ERICH3: variants seen among roughly 807,000 people sequenced by gnomAD.
The protein encoded by ERICH3 is glutamate-rich protein 3.
A neutral mutation model predicts 131.1 loss-of-function variants in ERICH3; 126 were observed. That is an observed-to-expected ratio of 0.96 (90% CI 0.83 to 1.11). The LOEUF is 1.11. Ranked by LOEUF, ERICH3 falls within the 50% of genes most tolerant of loss-of-function variation. ERICH3 has a pLI of 0.00. For synonymous variants in ERICH3, 695 were observed against 644.6 expected (o/e 1.08, Z -1.18); for missense variants, 2,050 against 1,810.7 (o/e 1.13, Z -2.40).
chr1:74,600,179 C>T lies in ERICH3; in HGVS notation c.1490-248G>A, dbSNP rs533323737. Among the ~76,000 whole-genome samples, 52 of 151,740 alleles carry T rather than the reference C, an allele frequency of 3.4e-4. No individual in the cohort carries two copies. The South Asian group carries it at 0.011, about 32-fold the overall frequency. On this transcript the variant is annotated intron_variant, in intron 10 of 14. Transcript: ENST00000326665. Reference sequence around the variant, plus strand: ...ACAAGGCTGAAACCTAATAAAAGTTCATTTACAAATGAACATCATCATCTA... The same window carrying T: ...ACAAGGCTGAAACCTAATAAAAGTTTATTTACAAATGAACATCATCATCTA...
At chr1:74,612,961 G>A (rs1648772547) in intron 8 of ERICH3, 152 bp from the exon 9 acceptor site, 1 of 549,774 alleles carries the variant, frequency 1.8e-6, no homozygotes, top group Non-Finnish European at 3.0e-6. Context: ...GGAAGAAGAA[G>A]AATTGTCTTG....
At chr1:74,584,132 C>A (rs939559856) in intron 12 of ERICH3, among the ~76,000 whole-genome samples, 31 of 152,260 alleles carry the variant, frequency 2.0e-4, no homozygotes, top group African/African-American at 6.5e-4. Flanking sequence ...TGATTAACAT[C>A]ATCTACCTAC....
chr1:74,575,025 T>C (rs1395540783), intron 13 of ERICH3, among the ~76,000 whole-genome samples: 1 of 130,100 alleles, frequency 7.7e-6, no homozygotes, highest in Non-Finnish European at 1.8e-5. Flanking sequence ...GCAAGTATGA[T>C]GCTCCTCATT....
At chr1:74,646,457 C>T (rs1304203250) in intron 3 of ERICH3, among the ~76,000 whole-genome samples, 1 of 152,018 alleles carries the variant, frequency 6.6e-6, no homozygotes, top group Non-Finnish European at 1.5e-5. Flanking sequence ...TGGCTCCTGG[C>T]TACCCAGAGA....
intron 1 of ERICH3, among the ~76,000 whole-genome samples, chr1:74,651,448 C>A (rs1395134701): frequency 6.6e-6 from 1 of 152,082 alleles, no homozygotes; most frequent in Non-Finnish European, 1.5e-5. Context: ...CCGGATAATG[C>A]TTTGAAACCA....
At chr1:74,581,938 C>G (rs1647189279) in intron 12 of ERICH3, among the ~76,000 whole-genome samples, 1 of 152,150 alleles carries the variant, frequency 6.6e-6, no homozygotes, top group African/African-American at 2.4e-5. Flanking sequence ...GCTTTGAACC[C>G]TCTTAGCAGA....
chr1:74,650,834 C>CTGTGTGTG (rs5775252), intron 1 of ERICH3, among the ~76,000 whole-genome samples: 1,819 of 146,102 alleles, frequency 0.012, 17 homozygotes, highest in Middle Eastern at 0.042. Flanking sequence ...GAGGGGACTA[C>CTGTGTGTG]TGTGTGTGTG....
At chr1:74,612,552 G>A (rs1215417935) in intron 9 of ERICH3, 71 bp downstream of exon 9, 1 of 1,306,762 alleles carries the variant, frequency 7.7e-7, no homozygotes, top group African/African-American at 1.5e-5. Context: ...GAAGAGAAAT[G>A]CATTAGTAAA....
intron 7 of ERICH3, among the ~76,000 whole-genome samples, chr1:74,629,729 A>G (rs1258367167): frequency 6.6e-6 from 1 of 152,196 alleles, no homozygotes; most frequent in East Asian, 1.9e-4. Flanking sequence ...AAAACTGTTT[A>G]AAAACCAAAC....
At chr1:74,653,079 C>T (rs932669570) in intron 1 of ERICH3, among the ~76,000 whole-genome samples, 2 of 152,052 alleles carry the variant, frequency 1.3e-5, no homozygotes, top group Non-Finnish European at 2.9e-5. Context: ...GCACTTAACC[C>T]TCTAACCCTG....
chr1:74,641,192 A>T, intron 5 of ERICH3, 139 bp downstream of exon 5: 1 of 945,402 alleles, frequency 1.1e-6, no homozygotes, highest in Non-Finnish European at 1.5e-6. Context: ...AGAGTTGAAC[A>T]GATATAAGAC....
At chr1:74,637,621 A>T (rs1476449617) in intron 5 of ERICH3, among the ~76,000 whole-genome samples, 1 of 152,178 alleles carries the variant, frequency 6.6e-6, no homozygotes, top group Non-Finnish European at 1.5e-5. Flanking sequence ...TTAGTTTAGT[A>T]TAAAGATTAG....
At chr1:74,642,078 G>C (rs537304869) in intron 4 of ERICH3, among the ~76,000 whole-genome samples, 1 of 152,178 alleles carries the variant, frequency 6.6e-6, no homozygotes, top group East Asian at 1.9e-4. Flanking sequence ...CATTTCAGCA[G>C]ATAAATTACA....
At chr1:74,617,872 A>C (rs536322558) in intron 8 of ERICH3, among the ~76,000 whole-genome samples, 19 of 152,130 alleles carry the variant, frequency 1.2e-4, no homozygotes, top group African/African-American at 4.6e-4. Context: ...ATTTTTTAAA[A>C]CTGAAAAAAA....
At chr1:74,577,215 A>G (rs1386213964) in intron 12 of ERICH3, 1 of 288,198 alleles carries the variant, frequency 3.5e-6, no homozygotes, top group Non-Finnish European at 6.3e-6. Context: ...CCTGTCAACT[A>G]CTTCTGGCCA....
In ERICH3 at chr1:74,620,799, T is replaced by G. The variant is rs374652699; in HGVS notation, c.935A>C (p.Lys312Thr). The part of the protein sequence containing the change: ...SDNPDFRDEI[K>T]VYQQHCGGEN... ...CCCACCACAGTGCTGCTGATAAACT[T>G]TAATTTCATCCCGGAAGTCAGGATT... Residue 312 changes from lysine to threonine, a missense_variant, in exon 8 of 15, where the codon AAA becomes ACA. Transcript: ENST00000326665. 6.2e-7 allele frequency: 1 copy of G among 1,613,552 alleles called. No individual in the cohort carries two copies.
chr1:74,591,475 C>G (rs895201241), intron 11 of ERICH3, among the ~76,000 whole-genome samples: 2 of 152,116 alleles, frequency 1.3e-5, no homozygotes, highest in Admixed American at 6.5e-5. Flanking sequence ...CATTTCCAGG[C>G]TCTTTGAGTC....
chr1:74,632,044 A>G, intron 6 of ERICH3, 116 bp from the exon 7 acceptor site: 1 of 904,526 alleles, frequency 1.1e-6, no homozygotes, highest in Non-Finnish European at 1.7e-6. Context: ...AACTGATATC[A>G]ATAGACAAAC....
intron 9 of ERICH3, among the ~76,000 whole-genome samples, chr1:74,608,541 C>T (rs1648510481): frequency 6.6e-6 from 1 of 152,006 alleles, no homozygotes; most frequent in Non-Finnish European, 1.5e-5. Context: ...CAGCCATCTG[C>T]AGCGTAGAAA....
Sources: gnomAD v4.1 joint callset for allele counts (sites outside exome capture counted in the v4.1 genomes callset) on GRCh38, gnomAD v4.1.1 for gene constraint, MANE v1.5 for transcripts, NCBI Gene and HGNC (gene_info 2026-07-23, HGNC 2026-07-21) for gene names.